WDR75: variants seen among roughly 807,000 people sequenced by gnomAD.
WDR75 encodes WD repeat-containing protein 75.
In WDR75, 52 loss-of-function variants were observed where a neutral mutation model predicts 106.1. That is an observed-to-expected ratio of 0.49 (90% CI 0.39 to 0.62). The LOEUF (loss-of-function observed/expected upper bound fraction) is 0.62. WDR75 is among the 20% of genes least tolerant of loss of function. The pLI, the probability that WDR75 is intolerant of heterozygous loss-of-function variation, is 0.00. For missense variants in WDR75, 905 were observed against 970.3 expected, an observed-to-expected ratio of 0.93 and a Z score of 0.89; for synonymous variants, 333 against 335.5, an observed-to-expected ratio of 0.99 and a Z score of 0.08.
At chr2:189,465,282 T>A in intron 12 of WDR75, 28 bp downstream of exon 12, 1 of 1,549,068 alleles carries the variant, frequency 6.5e-7, no homozygotes, top group Non-Finnish European at 8.7e-7. Flanking sequence ...GCCACTTAAT[T>A]TCAAAGTATA....
At position 189,475,547 on chromosome 2, in the gene WDR75, A is replaced by T. The variant is rs1687196940; in HGVS notation, c.*130A>T. The T allele has an allele frequency of 1.7e-6, 1 of 594,118 alleles. No homozygotes were observed. The allele number at this position is 594,118 out of a possible 1,614,324, so 36.8% of individuals were successfully genotyped here. On this transcript the variant is annotated 3_prime_UTR_variant, in exon 21 of 21. Coordinates refer to ENST00000314761, the MANE Select transcript of WDR75 (RefSeq NM_032168.3). ...AAATATTAACAAACTTTGCTTTTTT[A>T]AAAAACTGATAATATGAACATGTAT...
At chr2:189,456,707 T>C (rs1376376127) in intron 5 of WDR75, among the ~76,000 whole-genome samples, 1 of 152,190 alleles carries the variant, frequency 6.6e-6, no homozygotes. Context: ...GTTATATAGA[T>C]GTACATGTAT....
At chr2:189,469,926 A>G in intron 16 of WDR75, 150 bp from the exon 17 acceptor site, 1 of 673,106 alleles carries the variant, frequency 1.5e-6, no homozygotes, top group East Asian at 2.7e-5. Context: ...GGAACACAGT[A>G]GATACCTCTT....
Position 189,470,878 on chromosome 2 carries a change from G to T in WDR75, c.2049G>T (p.Gln683His), listed in dbSNP as rs1278409775. 2 of 1,601,146 alleles carry T rather than the reference G, an allele frequency of 1.2e-6. No individual in the cohort carries two copies. ...PEEKLTPTSK[Q>H]LLAEESLPTT... ...AAAAACTCACACCAACAAGCAAACA[G>T]GTATGTTTTAGCCATTCATAGCAGG... Residue 683 changes from glutamine (Q) to histidine (H), a missense_variant and splice_region_variant, in exon 18 of 21, where the codon CAG (glutamine) becomes CAT (histidine). Physicochemically the swap from Gln to His is conservative, Grantham distance 24 (BLOSUM62 0). Transcript: ENST00000314761.
intron 18 of WDR75, among the ~76,000 whole-genome samples, chr2:189,471,773 G>C (rs143506165): frequency 6.6e-6 from 1 of 152,106 alleles, no homozygotes. Flanking sequence ...TCTATTAGTG[G>C]TGTGGTTTTT....
intron 5 of WDR75, among the ~76,000 whole-genome samples, chr2:189,456,960 G>A (rs1169383310): frequency 6.6e-6 from 1 of 152,054 alleles, no homozygotes; most frequent in Admixed American, 6.6e-5. Flanking sequence ...AACAGTGTTG[G>A]GCCGGGCGCA....
At chr2:189,471,972 C>A (rs1167856140) in intron 18 of WDR75, among the ~76,000 whole-genome samples, 4 of 152,178 alleles carry the variant, frequency 2.6e-5, no homozygotes, top group African/African-American at 9.6e-5. Context: ...TCCATTATTA[C>A]TAGAAGACCA....
chr2:189,469,418 C>G lies in WDR75; in HGVS notation c.1798C>G (p.Gln600Glu), dbSNP rs369390130. ...TTCAGAGAATATTGCTGCAATCTCT[C>G]AGTCTTCAGTGGGTTCAGACTGTAA... ...PNSENIAAIS[Q>E]SSVGSDLFVF... Residue 600 changes from glutamine to glutamate, a missense_variant, in exon 16 of 21, where the codon CAG (glutamine) becomes GAG (glutamate). Transcript: ENST00000314761. The G allele has an allele frequency of 2.4e-5, 38 of 1,613,032 alleles. 1 individual carries two copies. In the African/African-American group the frequency reaches 4.8e-4, roughly 20 times the overall value.
At chr2:189,447,127 T>C (rs1361329734) in intron 1 of WDR75, among the ~76,000 whole-genome samples, 2 of 152,210 alleles carry the variant, frequency 1.3e-5, no homozygotes, top group Non-Finnish European at 2.9e-5. Flanking sequence ...TGACTGTAGG[T>C]AATTAAAACC....
At chr2:189,445,277 C>A (rs1191627509) in intron 1 of WDR75, among the ~76,000 whole-genome samples, 1 of 152,188 alleles carries the variant, frequency 6.6e-6, no homozygotes, top group Non-Finnish European at 1.5e-5. Context: ...TTGTGTTTGA[C>A]TTATTATTGT....
chr2:189,450,189 C>T (rs1686587348), intron 2 of WDR75: 6 of 983,588 alleles, frequency 6.1e-6, no homozygotes, highest in Non-Finnish European at 7.2e-6. Context: ...AGTATTGGTC[C>T]TTGATGGATT....
At chr2:189,455,985 C>T (rs928110642) in intron 5 of WDR75, among the ~76,000 whole-genome samples, 4 of 152,114 alleles carry the variant, frequency 2.6e-5, no homozygotes, top group Admixed American at 6.5e-5. Flanking sequence ...ATTTCTTCAG[C>T]CATTCCCTGT....
At chr2:189,450,683 C>T in intron 2 of WDR75, 3 of 1,344,902 alleles carry the variant, frequency 2.2e-6, no homozygotes, top group Middle Eastern at 2.8e-4. Flanking sequence ...CTTTTTTCCT[C>T]TCTCTTTTAG....
chr2:189,470,761 C>T (rs1687100981), intron 17 of WDR75, 58 bp from the exon 18 acceptor site: 1 of 1,384,086 alleles, frequency 7.2e-7, no homozygotes, highest in Non-Finnish European at 9.8e-7. Flanking sequence ...CCTGTAACAC[C>T]TTGTTTAGAT....
At chr2:189,470,967 A>T in intron 18 of WDR75, 89 bp downstream of exon 18, 4 of 996,706 alleles carry the variant, frequency 4.0e-6, no homozygotes, top group Non-Finnish European at 5.7e-6. Context: ...AAAATATTTC[A>T]CTTGGCCCTA....
intron 4 of WDR75, among the ~76,000 whole-genome samples, chr2:189,454,208 G>A (rs556211843): frequency 6.6e-6 from 1 of 152,292 alleles, no homozygotes; most frequent in East Asian, 1.9e-4. Context: ...GTGGAAGTGA[G>A]CCAGTGGAGA....
chr2:189,454,271 G>A (rs993801030), intron 4 of WDR75, among the ~76,000 whole-genome samples: 18 of 152,198 alleles, frequency 1.2e-4, no homozygotes, highest in Middle Eastern at 3.4e-3. Context: ...CTTTTACTCT[G>A]AGTAAAAAGA....
chr2:189,456,469 C>A (rs573059215), intron 5 of WDR75, among the ~76,000 whole-genome samples: 1 of 151,850 alleles, frequency 6.6e-6, no homozygotes, highest in African/African-American at 2.4e-5. Flanking sequence ...CACATGAGAA[C>A]GTAGATTAAA....
rs1366330321 is a variant in WDR75 at position 189,474,795 on chromosome 2, A to G, written c.2275A>G (p.Lys759Glu). 2 of 1,613,610 alleles carry G rather than the reference A, an allele frequency of 1.2e-6. No homozygotes were observed. Among genetic ancestry groups the G allele is most frequent in the Non-Finnish European group, 1.7e-6 (2 of 1,179,682 alleles). Residue 759 changes from lysine (K) to glutamate (E), a missense_variant, in exon 20 of 21, where the codon AAA becomes GAA. Physicochemically the swap from Lys to Glu is moderately conservative, Grantham distance 56 (BLOSUM62 1). Coordinates refer to ENST00000314761, the MANE Select transcript of WDR75 (RefSeq NM_032168.3). Reference protein sequence around the residue: ...SMFVNSLLLSKETKSAKEIPE... With the variant: ...SMFVNSLLLSEETKSAKEIPE... ...GTTTGTAAATTCATTGCTGCTGTCTAAAGAGACTAAGAGGTAAAGCAGTTC... is the reference window on the plus strand; with the variant it reads ...GTTTGTAAATTCATTGCTGCTGTCTGAAGAGACTAAGAGGTAAAGCAGTTC...
Sources: allele counts gnomAD v4.1 joint callset (sites outside exome capture counted in the v4.1 genomes callset), GRCh38; gene constraint gnomAD v4.1.1; transcripts MANE v1.5; gene names NCBI Gene and HGNC (gene_info 2026-07-23, HGNC 2026-07-21).